The following ATAD1 variants were observed in gnomAD, a reference collection of about 807,000 sequenced individuals.
ATAD1 encodes the protein outer mitochondrial transmembrane helix translocase.
A neutral mutation model predicts 42.7 loss-of-function variants in ATAD1; 18 were observed. The ratio of observed to expected loss-of-function variants is 0.42; its 90% CI spans 0.29 to 0.63. The LOEUF (loss-of-function observed/expected upper bound fraction) is 0.63. Among genes scored for constraint, ATAD1 ranks in the 20% least tolerant of loss-of-function variants. The probability of loss-of-function intolerance (pLI) is 0.19; values close to 1 mark genes in which losing one functional copy is unlikely to be tolerated. For missense variants in ATAD1, 294 were observed against 440.4 expected (o/e 0.67, Z 2.98); for synonymous variants, 132 against 143.1 (o/e 0.92, Z 0.55).
At chr10:87,772,579 TG>T (rs570805240) in intron 6 of ATAD1, among the ~76,000 whole-genome samples, 1 of 151,810 alleles carries the variant, frequency 6.6e-6, no homozygotes, top group Non-Finnish European at 1.5e-5. Flanking sequence ...AGTCAATATT[TG>T]GGGGGGAAAA....
At chr10:87,819,746 T>A (rs1372105631), upstream of ATAD1, among the ~76,000 whole-genome samples, 2 of 152,358 alleles carry the variant, frequency 1.3e-5, no homozygotes, top group East Asian at 3.9e-4. Flanking sequence ...AATTCATACC[T>A]TGTACTTTAC....
At chr10:87,755,676 A>G (rs540023079) in intron 9 of ATAD1, among the ~76,000 whole-genome samples, 1 of 152,264 alleles carries the variant, frequency 6.6e-6, no homozygotes, top group South Asian at 2.1e-4. Context: ...TGGGAGGCCA[A>G]GGCGGGTGGA....
At chr10:87,811,567 T>C (rs544941325) in intron 2 of ATAD1, among the ~76,000 whole-genome samples, 1 of 152,282 alleles carries the variant, frequency 6.6e-6, no homozygotes, top group South Asian at 2.1e-4. Flanking sequence ...ACTCTTAGTA[T>C]AGTCATTACC....
chr10:87,836,582 AT>A (rs1165154047), intron 1 of ATAD1, among the ~76,000 whole-genome samples: 3 of 151,934 alleles, frequency 2.0e-5, no homozygotes, highest in Non-Finnish European at 4.4e-5. Flanking sequence ...ATAATGTATC[AT>A]TTTTTTCTAC....
chr10:87,770,937 A>G lies in ATAD1; in HGVS notation c.780+15T>C, dbSNP rs1223523081. 1.2e-6 allele frequency: 2 copies of G among 1,607,794 alleles called. No homozygotes were observed. The highest frequency in any genetic ancestry group is 1.7e-6 in the Non-Finnish European group (2 of 1,175,048). Reference sequence around the variant, plus strand: ...GAGTATTTAACTCTTCATAATATCAATCAAGACCACCTACAGGCTGGTTGA... The same window carrying G: ...GAGTATTTAACTCTTCATAATATCAGTCAAGACCACCTACAGGCTGGTTGA... On this transcript the variant is annotated intron_variant, in intron 7 of 9. Coordinates refer to ENST00000680024, the MANE Select transcript of ATAD1 (RefSeq NM_001321967.2).
chr10:87,761,540 T>C (rs574842456), intron 8 of ATAD1, among the ~76,000 whole-genome samples: 1 of 152,130 alleles, frequency 6.6e-6, no homozygotes, highest in East Asian at 1.9e-4. Context: ...CATGCACCTA[T>C]AGTCCCAGCT....
At chr10:87,758,468 A>C (rs1033248454) in intron 8 of ATAD1, among the ~76,000 whole-genome samples, 2 of 152,182 alleles carry the variant, frequency 1.3e-5, no homozygotes, top group African/African-American at 4.8e-5. Flanking sequence ...ATGAATCCAA[A>C]TTTATGAGTA....
At chr10:87,812,232 A>G (rs1014683223) in intron 2 of ATAD1, among the ~76,000 whole-genome samples, 4 of 152,140 alleles carry the variant, frequency 2.6e-5, no homozygotes, top group Non-Finnish European at 5.9e-5. Context: ...AATATATTTA[A>G]TGAGTTAAGC....
intron 6 of ATAD1, among the ~76,000 whole-genome samples, chr10:87,771,841 C>T (rs1240999608): frequency 6.6e-6 from 1 of 151,886 alleles, no homozygotes; most frequent in Non-Finnish European, 1.5e-5. Flanking sequence ...ATCAATATTA[C>T]CTTTACTGTT....
chr10:87,830,510 C>T (rs868647188), intron 1 of ATAD1, among the ~76,000 whole-genome samples: 1 of 151,992 alleles, frequency 6.6e-6, no homozygotes, highest in Admixed American at 6.6e-5. Flanking sequence ...TGTTTTTTTC[C>T]CCCCTGTCTT....
At chr10:87,805,229 G>A (rs920319982) in intron 2 of ATAD1, among the ~76,000 whole-genome samples, 4 of 152,198 alleles carry the variant, frequency 2.6e-5, no homozygotes, top group Non-Finnish European at 5.9e-5. Context: ...TGCCTTTAAT[G>A]TGTATTCTAA....
At chr10:87,763,966 G>C (rs1263759969) in intron 8 of ATAD1, among the ~76,000 whole-genome samples, 1 of 151,958 alleles carries the variant, frequency 6.6e-6, no homozygotes, top group Non-Finnish European at 1.5e-5. Context: ...CAGAGAAAAA[G>C]AATTAAAATA....
At chr10:87,768,817 C>T (rs937857244) in intron 7 of ATAD1, among the ~76,000 whole-genome samples, 5 of 152,172 alleles carry the variant, frequency 3.3e-5, no homozygotes, top group African/African-American at 1.2e-4. Flanking sequence ...GCCACAGTGG[C>T]TCATGCCAGT....
chr10:87,813,244 G>A (rs1040502163), intron 2 of ATAD1, among the ~76,000 whole-genome samples: 1 of 151,866 alleles, frequency 6.6e-6, no homozygotes, highest in Admixed American at 6.6e-5. Context: ...CTGAAACGAT[G>A]TAACTTATAA....
At chr10:87,838,353 C>T (rs1302826889) in intron 1 of ATAD1, among the ~76,000 whole-genome samples, 2 of 151,132 alleles carry the variant, frequency 1.3e-5, no homozygotes, top group Admixed American at 1.3e-4. Flanking sequence ...ATGTTGAAAC[C>T]CAGTCTCGAC....
Position 87,754,615 on chromosome 10 carries a change from C to T in ATAD1, c.*72G>A, listed in dbSNP as rs759237402. 4.8e-5 allele frequency: 71 copies of T among 1,491,368 alleles called. No individual in the cohort carries two copies. The highest frequency in any genetic ancestry group is 1.2e-4 in the African/African-American group (9 of 72,214). The allele number at this position is 1,491,368 out of a possible 1,614,324, so 92.4% of individuals were successfully genotyped here. On this transcript the variant is annotated 3_prime_UTR_variant, in exon 10 of 10. Transcript: ENST00000680024. ...CTCATTGTTTAAAGAGCACTCTTTC[C>T]GTTCTATTTCCACTAACTGATAAGA...
upstream of ATAD1, among the ~76,000 whole-genome samples, chr10:87,819,889 A>G (rs12762731): frequency 0.3 from 44,901 of 151,964 alleles, 6,851 homozygotes; most frequent in Middle Eastern, 0.32. Context: ...GAAAACTATG[A>G]TTAAGTTCAT....
chr10:87,790,275 T>G lies in ATAD1; in HGVS notation c.382+35A>C, dbSNP rs115643160. The G allele has an allele frequency of 8.2e-4, 1,300 of 1,589,856 alleles. 9 individuals are homozygous for G. In the African/African-American group the frequency reaches 0.016, roughly 20 times the overall value. ...GAAAGTTTCAATGTTTTCTAGGATTTTAATGCTTTAGGCGAATATATACCT... is the reference window on the plus strand; with the variant it reads ...GAAAGTTTCAATGTTTTCTAGGATTGTAATGCTTTAGGCGAATATATACCT... On this transcript the variant is annotated intron_variant, in intron 4 of 9. Transcript: ENST00000680024.
intron 4 of ATAD1, among the ~76,000 whole-genome samples, chr10:87,786,930 G>A (rs1029006932): frequency 1.3e-5 from 2 of 152,064 alleles, no homozygotes; most frequent in African/African-American, 4.8e-5. Context: ...ACTCCAGGGT[G>A]GGCAACAGGG....
Sources: allele counts gnomAD v4.1 joint callset (sites outside exome capture counted in the v4.1 genomes callset), GRCh38; gene constraint gnomAD v4.1.1; transcripts MANE v1.5; gene names NCBI Gene and HGNC (gene_info 2026-07-23, HGNC 2026-07-21).